Variants in SDK1 observed in about 807,000 individuals in gnomAD.
SDK1 encodes the protein sidekick cell adhesion molecule 1, also known as protein sidekick-1.
SDK1 carries 157 observed loss-of-function variants against 245.5 expected under a neutral mutation model. The observed-to-expected ratio is 0.64, with a 90% CI of 0.56 to 0.73. The LOEUF is 0.73. Ranked by LOEUF, SDK1 falls within the 30% of genes least tolerant of loss-of-function variation. SDK1 has a pLI of 0.00. For missense variants in SDK1, 3,583 were observed against 3,002.3 expected, an observed-to-expected ratio of 1.19 and a Z score of -4.52; for synonymous variants, 1,647 against 1,278.5, an observed-to-expected ratio of 1.29 and a Z score of -6.15.
At chr7:3,782,528 T>C (rs1426337675) in intron 4 of SDK1, among the ~76,000 whole-genome samples, 1 of 152,060 alleles carries the variant, frequency 6.6e-6, no homozygotes, top group East Asian at 1.9e-4. Flanking sequence ...GTAATACAAT[T>C]ATCAAAAATC....
intron 16 of SDK1, among the ~76,000 whole-genome samples, chr7:4,014,059 C>G (rs183601740): frequency 6.6e-6 from 1 of 152,358 alleles, no homozygotes; most frequent in Admixed American, 6.5e-5. Flanking sequence ...CTGCACCCAT[C>G]CACTAATGAG....
intron 4 of SDK1, among the ~76,000 whole-genome samples, chr7:3,696,725 G>T (rs759270446): frequency 1.3e-5 from 2 of 152,128 alleles, no homozygotes; most frequent in Non-Finnish European, 2.9e-5. Context: ...ATCAAAGGAT[G>T]AAATAATATA....
At chr7:3,777,981 T>G (rs898213696) in intron 4 of SDK1, among the ~76,000 whole-genome samples, 1 of 152,234 alleles carries the variant, frequency 6.6e-6, no homozygotes, top group Admixed American at 6.5e-5. Flanking sequence ...ACATTGTGAT[T>G]TGGCAGCTGA....
At chr7:3,594,043 A>G (rs948460631) in intron 1 of SDK1, among the ~76,000 whole-genome samples, 1 of 152,162 alleles carries the variant, frequency 6.6e-6, no homozygotes, top group Non-Finnish European at 1.5e-5. Context: ...CCATCATCAT[A>G]ATCTAATTTT....
At chr7:3,802,146 A>G (rs551948331) in intron 4 of SDK1, among the ~76,000 whole-genome samples, 2 of 152,270 alleles carry the variant, frequency 1.3e-5, no homozygotes, top group Admixed American at 6.5e-5. Flanking sequence ...TGCAATATCA[A>G]AACCAGGAGA....
chr7:4,193,933 C>T (rs908853799), intron 35 of SDK1, among the ~76,000 whole-genome samples: 7 of 152,156 alleles, frequency 4.6e-5, no homozygotes, highest in Admixed American at 2.6e-4. Context: ...TTGCCTCTCA[C>T]GAGCGGTGAA....
At chr7:3,324,276 C>G (rs765224705) in intron 1 of SDK1, among the ~76,000 whole-genome samples, 1 of 152,096 alleles carries the variant, frequency 6.6e-6, no homozygotes, top group South Asian at 2.1e-4. Flanking sequence ...GAAAGGAAGA[C>G]AAATAGTATA....
intron 5 of SDK1, among the ~76,000 whole-genome samples, chr7:3,851,538 G>A (rs1319497010): frequency 6.6e-6 from 1 of 152,128 alleles, no homozygotes; most frequent in Non-Finnish European, 1.5e-5. Flanking sequence ...CCAGTCTCAA[G>A]GGAATAATAA....
intron 1 of SDK1, among the ~76,000 whole-genome samples, chr7:3,310,109 T>C (rs1009045261): frequency 6.6e-6 from 1 of 152,208 alleles, no homozygotes; most frequent in African/African-American, 2.4e-5. Flanking sequence ...TCTCTCAGTT[T>C]GCTTCTGTGT....
At chr7:4,173,941 G>A (rs970721093) in intron 32 of SDK1, among the ~76,000 whole-genome samples, 2 of 152,234 alleles carry the variant, frequency 1.3e-5, no homozygotes, top group East Asian at 3.9e-4. Flanking sequence ...TCCTGCCCCA[G>A]CCTGGGGGCT....
chr7:4,157,434 GAGAAAA>G, intron 30 of SDK1, among the ~76,000 whole-genome samples: 4 of 43,138 alleles, frequency 9.3e-5, no homozygotes, highest in African/African-American at 5.1e-4. Flanking sequence ...AGGAAGGCAA[GAGAAAA>G]GGAGGGAAGG....
At chr7:3,837,795 G>A (rs1268335600) in intron 5 of SDK1, among the ~76,000 whole-genome samples, 1 of 152,052 alleles carries the variant, frequency 6.6e-6, no homozygotes, top group Non-Finnish European at 1.5e-5. Flanking sequence ...TTTTATTTTG[G>A]TAACCTCATG....
chr7:3,948,955 C>T (rs1054858384), intron 5 of SDK1, among the ~76,000 whole-genome samples: 11 of 152,196 alleles, frequency 7.2e-5, no homozygotes, highest in African/African-American at 2.2e-4. Context: ...TTAGCTTCTC[C>T]GGCCGTTTCT....
chr7:3,447,634 C>A (rs535090260), intron 1 of SDK1, among the ~76,000 whole-genome samples: 1 of 150,884 alleles, frequency 6.6e-6, no homozygotes, highest in South Asian at 2.1e-4. Flanking sequence ...GGGTGGCTTC[C>A]TGTGAGGTAT....
intron 14 of SDK1, among the ~76,000 whole-genome samples, 153 bp downstream of exon 14, chr7:3,987,475 G>T (rs1179791754): frequency 2.0e-5 from 3 of 151,988 alleles, no homozygotes; most frequent in African/African-American, 7.2e-5. Context: ...TGCCCTTTAG[G>T]AAAGAAAAAA....
intron 4 of SDK1, among the ~76,000 whole-genome samples, chr7:3,795,203 C>A (rs1157221024): frequency 6.6e-6 from 1 of 152,138 alleles, no homozygotes; most frequent in African/African-American, 2.4e-5. Flanking sequence ...TGTGTTAGGA[C>A]TCAGACATGT....
At chr7:3,573,304 C>T (rs901292653) in intron 1 of SDK1, among the ~76,000 whole-genome samples, 19 of 152,096 alleles carry the variant, frequency 1.2e-4, no homozygotes, top group African/African-American at 4.6e-4. Context: ...CCTGCACAGG[C>T]AGAAGAACAC....
intron 35 of SDK1, among the ~76,000 whole-genome samples, chr7:4,185,776 C>T (rs150039085): frequency 1.3e-5 from 2 of 150,904 alleles, no homozygotes; most frequent in East Asian, 3.9e-4. Context: ...TAGCATAAGG[C>T]CAGAACATAG....
At chr7:3,603,041 A>G (rs1781300174) in intron 1 of SDK1, among the ~76,000 whole-genome samples, 1 of 151,990 alleles carries the variant, frequency 6.6e-6, no homozygotes, top group East Asian at 1.9e-4. Context: ...ATTGATCTAT[A>G]TCTCTGTTTT....
Sources: gnomAD v4.1 joint callset for allele counts (sites outside exome capture counted in the v4.1 genomes callset) on GRCh38, gnomAD v4.1.1 for gene constraint, MANE v1.5 for transcripts, NCBI Gene and HGNC (gene_info 2026-07-23, HGNC 2026-07-21) for gene names.